The following ZNF609 variants were observed in gnomAD, a reference collection of about 807,000 sequenced individuals.
ZNF609 encodes the protein zinc finger protein 609.
A neutral mutation model predicts 109.5 loss-of-function variants in ZNF609; 11 were observed. That is an observed-to-expected ratio of 0.10 (90% confidence interval 0.06 to 0.17). ZNF609 has a LOEUF of 0.17. Ranked by LOEUF, ZNF609 falls within the 10% of genes least tolerant of loss-of-function variation. The pLI, the probability that ZNF609 is intolerant of heterozygous loss-of-function variation, is 1.00. For synonymous variants in ZNF609, 646 were observed against 662.0 expected (o/e 0.98, Z 0.37); for missense variants, 1,559 against 1,772.4 (o/e 0.88, Z 2.16).
At chr15:64,514,347 T>C (rs1337933654) in intron 2 of ZNF609, among the ~76,000 whole-genome samples, 1 of 152,252 alleles carries the variant, frequency 6.6e-6, no homozygotes. Flanking sequence ...GTCCATGGAA[T>C]GAATATAGCT....
chr15:64,597,420 T>C (rs1228111120), intron 2 of ZNF609, among the ~76,000 whole-genome samples: 1 of 152,160 alleles, frequency 6.6e-6, no homozygotes, highest in Non-Finnish European at 1.5e-5. Context: ...TCTCCCTCCT[T>C]CTCAGCACAG....
At chr15:64,653,336 C>T (rs915067577) in intron 3 of ZNF609, among the ~76,000 whole-genome samples, 1 of 152,022 alleles carries the variant, frequency 6.6e-6, no homozygotes, top group Non-Finnish European at 1.5e-5. Context: ...TTGTCCCCCT[C>T]ATTCTAGATT....
intron 1 of ZNF609, among the ~76,000 whole-genome samples, chr15:64,478,817 A>C (rs75244904): frequency 6.6e-6 from 1 of 152,170 alleles, no homozygotes; most frequent in African/African-American, 2.4e-5. Context: ...CTGTATATCA[A>C]ACTTGAAGTC....
At chr15:64,552,113 C>T (rs1049008598) in intron 2 of ZNF609, among the ~76,000 whole-genome samples, 3 of 150,864 alleles carry the variant, frequency 2.0e-5, no homozygotes, top group Non-Finnish European at 4.4e-5. Context: ...CAAATATTTT[C>T]TTCCAGTCTG....
chr15:64,666,384 A>G (rs1896649138), intron 3 of ZNF609, among the ~76,000 whole-genome samples: 1 of 152,164 alleles, frequency 6.6e-6, no homozygotes, highest in Non-Finnish European at 1.5e-5. Flanking sequence ...ACAGAGCGAG[A>G]CTCTGTCCAA....
intron 2 of ZNF609, among the ~76,000 whole-genome samples, chr15:64,620,379 G>T (rs954967226): frequency 6.6e-6 from 1 of 152,172 alleles, no homozygotes; most frequent in Non-Finnish European, 1.5e-5. Context: ...ACTCTCAAGA[G>T]TTTGTTCCAG....
chr15:64,516,912 A>T (rs1343052821), intron 2 of ZNF609, among the ~76,000 whole-genome samples: 1 of 152,092 alleles, frequency 6.6e-6, no homozygotes, highest in Non-Finnish European at 1.5e-5. Context: ...GATGATTCTG[A>T]TTTTAAAAAT....
chr15:64,506,443 G>T (rs897828969), intron 2 of ZNF609, among the ~76,000 whole-genome samples: 1 of 149,938 alleles, frequency 6.7e-6, no homozygotes, highest in African/African-American at 2.4e-5. Flanking sequence ...TCTTTAGGCC[G>T]GGCGCGGTGG....
intron 2 of ZNF609, among the ~76,000 whole-genome samples, chr15:64,536,970 C>G (rs1263523096): frequency 2.7e-5 from 4 of 149,758 alleles, no homozygotes; most frequent in Admixed American, 2.0e-4. Context: ...CACCTGTAAT[C>G]CCAGCACTTT....
chr15:64,492,775 T>TG (rs1300368272), intron 1 of ZNF609, among the ~76,000 whole-genome samples: 1 of 152,190 alleles, frequency 6.6e-6, no homozygotes, highest in African/African-American at 2.4e-5. Flanking sequence ...AAATACTTAA[T>TG]GAAGCAGCTT....
Position 64,606,387 on chromosome 15 carries a change from C to T in ZNF609, c.748-16440C>T, listed in dbSNP as rs113825419. On this transcript the variant is annotated intron_variant, in intron 2 of 9. Transcript: ENST00000326648. ...CATTTTGGCCAACATGGTGAAACCC[C>T]GTCTCTACTAAAAATACAAAAATTT... Among the ~76,000 whole-genome samples, 362 of 150,636 alleles carry T rather than the reference C, an allele frequency of 2.4e-3. 2 individuals carry two copies. The highest frequency in any genetic ancestry group is 8.5e-3 in the African/African-American group (349 of 41,082).
At chr15:64,503,920 C>T (rs532635033) in intron 2 of ZNF609, among the ~76,000 whole-genome samples, 1 of 152,342 alleles carries the variant, frequency 6.6e-6, no homozygotes, top group Non-Finnish European at 1.5e-5. Context: ...CTTCCTTTGC[C>T]ATTGGTTTTG....
chr15:64,466,579 A>G (rs1216386931), intron 1 of ZNF609, among the ~76,000 whole-genome samples: 1 of 152,232 alleles, frequency 6.6e-6, no homozygotes, highest in African/African-American at 2.4e-5. Flanking sequence ...GGAGCACTGC[A>G]TAGATGGGGA....
intron 2 of ZNF609, among the ~76,000 whole-genome samples, chr15:64,549,673 G>A (rs1261753104): frequency 6.6e-6 from 1 of 152,158 alleles, no homozygotes; most frequent in Non-Finnish European, 1.5e-5. Context: ...GTGTGTGTGT[G>A]TGAGTGAGAG....
intron 2 of ZNF609, among the ~76,000 whole-genome samples, chr15:64,591,085 G>A (rs1895287185): frequency 6.6e-6 from 1 of 152,114 alleles, no homozygotes; most frequent in Non-Finnish European, 1.5e-5. Flanking sequence ...TGTAATCCCA[G>A]CACTTTGGGA....
intron 1 of ZNF609, among the ~76,000 whole-genome samples, chr15:64,489,171 G>T (rs903575537): frequency 6.6e-6 from 1 of 150,948 alleles, no homozygotes; most frequent in Non-Finnish European, 1.5e-5. Flanking sequence ...GCCTAGTTTT[G>T]TGTTTTTTTT....
intron 2 of ZNF609, among the ~76,000 whole-genome samples, chr15:64,620,875 G>C (rs1286672721): frequency 6.6e-6 from 1 of 152,216 alleles, no homozygotes; most frequent in African/African-American, 2.4e-5. Context: ...GTCTCTGTGT[G>C]TGTTGTGGGA....
At chr15:64,655,837 A>T (rs906047007) in intron 3 of ZNF609, among the ~76,000 whole-genome samples, 1 of 152,200 alleles carries the variant, frequency 6.6e-6, no homozygotes, top group Non-Finnish European at 1.5e-5. Context: ...CAAGAAAAGT[A>T]AATAAAAAGA....
chr15:64,538,417 T>A (rs956561795), intron 2 of ZNF609, among the ~76,000 whole-genome samples: 3 of 152,256 alleles, frequency 2.0e-5, no homozygotes, highest in Non-Finnish European at 4.4e-5. Context: ...TGGTTTATTA[T>A]ACAGTTTATT....
Sources: gnomAD v4.1 joint callset for allele counts (sites outside exome capture counted in the v4.1 genomes callset) on GRCh38, gnomAD v4.1.1 for gene constraint, MANE v1.5 for transcripts, NCBI Gene and HGNC (gene_info 2026-07-23, HGNC 2026-07-21) for gene names.